The following PCDHA6 variants were observed in gnomAD, a reference collection of about 807,000 sequenced individuals.
PCDHA6 encodes the protein protocadherin alpha-6.
A neutral mutation model predicts 60.3 loss-of-function variants in PCDHA6; 55 were observed. The ratio of observed to expected loss-of-function variants is 0.91; its 90% CI spans 0.73 to 1.14. The LOEUF is 1.14. PCDHA6 is among the 50% of genes most tolerant of loss of function. PCDHA6 has a pLI of 0.00. For missense variants in PCDHA6, 1,327 were observed against 1,256.5 expected (o/e 1.06, Z -0.85); for synonymous variants, 652 against 557.9 (o/e 1.17, Z -2.38).
chr5:140,946,916 T>C (rs1554217963), intron 1 of PCDHA6, among the ~76,000 whole-genome samples: 4 of 151,468 alleles, frequency 2.6e-5, no homozygotes, highest in Non-Finnish European at 5.9e-5. Context: ...GTTCTGGTGT[T>C]TTATTGAACA....
chr5:140,928,068 CA>C, intron 1 of PCDHA6: 1 of 1,614,214 alleles, frequency 6.2e-7, no homozygotes, highest in South Asian at 1.1e-5. Context: ...CTTCCTTTGA[CA>C]ACTACTACAG....
At chr5:140,972,797 G>A (rs1563419152) in intron 1 of PCDHA6, among the ~76,000 whole-genome samples, 3 of 151,664 alleles carry the variant, frequency 2.0e-5, no homozygotes, top group Admixed American at 2.0e-4. Flanking sequence ...CTGAGTAGCT[G>A]AGATTACAGG....
Position 140,884,639 on chromosome 5 carries a change from G to A in PCDHA6, c.2394+54154G>A, listed in dbSNP as rs781835096. ...TGCAGAGGGAACAGGCCAGAGGGAG[G>A]AGGACTCAGAATGCTTGAAAGAGGT... On this transcript the variant is annotated intron_variant, in intron 1 of 3. Coordinates refer to ENST00000529310, the MANE Select transcript of PCDHA6 (RefSeq NM_018909.4). 55 of 1,610,606 alleles carry A rather than the reference G, an allele frequency of 3.4e-5. No homozygotes were observed. The South Asian group carries it at 5.6e-4, about 16-fold the overall frequency.
At chr5:140,937,399 T>C (rs2091517737) in intron 1 of PCDHA6, among the ~76,000 whole-genome samples, 1 of 152,226 alleles carries the variant, frequency 6.6e-6, no homozygotes, top group African/African-American at 2.4e-5. Context: ...TATAGGGGTA[T>C]TGCACAACTT....
chr5:140,834,556 A>G (rs2150220924), intron 1 of PCDHA6: 2 of 1,613,934 alleles, frequency 1.2e-6, no homozygotes, highest in African/African-American at 2.7e-5. Context: ...GAGCTGGCGG[A>G]GCTGGTGCCG....
intron 1 of PCDHA6, among the ~76,000 whole-genome samples, chr5:140,905,776 G>A (rs190550917): frequency 2.4e-3 from 372 of 152,186 alleles, no homozygotes; most frequent in Non-Finnish European, 4.1e-3. Context: ...ATTCCGAAGT[G>A]TATTAGTCAG....
At position 140,887,505 on chromosome 5, in the gene PCDHA6, T is replaced by G. The variant is rs185975578; in HGVS notation, c.2394+57020T>G. On this transcript the variant is annotated intron_variant, in intron 1 of 3. Transcript: ENST00000529310. ...GGCTTGCATAGTTTCTAATAAGATG[T>G]TTGCTTTTTTATATATGAGTCTTCC... Among the ~76,000 whole-genome samples, 465 of 152,304 alleles carry G rather than the reference T, an allele frequency of 3.1e-3. 3 individuals carry two copies. The highest frequency in any genetic ancestry group is 0.014 in the Middle Eastern group (4 of 294).
Position 140,830,098 on chromosome 5 carries a change from G to T in PCDHA6, c.2007G>T (p.Leu669=). ...CGACGGCCACGGTTCTGGTGTCGCT[G>T]GTGGAGAGTGGCCAGGCTCCAAAGG... ...LTATATVLVS[L]VESGQAPKAS... The change falls in exon 1 of 4, where the codon CTG becomes CTT. Residue 669 remains leucine (L), a synonymous_variant. Coordinates refer to ENST00000529310, the MANE Select transcript of PCDHA6 (RefSeq NM_018909.4). 1 of 1,613,644 alleles carries T rather than the reference G, an allele frequency of 6.2e-7. No homozygotes were observed. Among genetic ancestry groups the T allele is most frequent in the African/African-American group, 1.3e-5 (1 of 75,064 alleles).
Position 140,828,970 on chromosome 5 carries a change from T to C in PCDHA6, c.879T>C (p.Phe293=). ...SLVAAMVIDH[F]SIDRNTGEIV... ...TTGCAGCCATGGTTATTGACCACTTTAGCATAGATCGAAATACGGGAGAAA... is the reference window on the plus strand; with the variant it reads ...TTGCAGCCATGGTTATTGACCACTTCAGCATAGATCGAAATACGGGAGAAA... Residue 293 remains phenylalanine (F), a synonymous_variant, in exon 1 of 4, where the codon TTT becomes TTC. Coordinates refer to ENST00000529310, the MANE Select transcript of PCDHA6 (RefSeq NM_018909.4). The C allele has an allele frequency of 6.2e-7, 1 of 1,614,206 alleles. No homozygotes were observed. The highest frequency in any genetic ancestry group is 8.5e-7 in the Non-Finnish European group (1 of 1,180,024).
chr5:140,849,138 A>G (rs2150253056), intron 1 of PCDHA6: 1 of 1,337,178 alleles, frequency 7.5e-7, no homozygotes, highest in South Asian at 1.3e-5. Flanking sequence ...GCTCACGGCC[A>G]CCGATGGAGG....
chr5:140,883,290 T>C, intron 1 of PCDHA6: 1 of 1,614,060 alleles, frequency 6.2e-7, no homozygotes, highest in South Asian at 1.1e-5. Context: ...GTGGAAGTAC[T>C]AGATGTAAAT....
rs139331486 is a variant in PCDHA6, at chr5:140,836,143, C to T, written c.2394+5658C>T. On this transcript the variant is annotated intron_variant, in intron 1 of 3. Coordinates refer to ENST00000529310, the MANE Select transcript of PCDHA6 (RefSeq NM_018909.4). ...GAGCTTGTGCCGCGGTCTGTGGGCG[C>T]GGGCCATGTGGTGGCGAAGGTACGT... 75 of 1,613,760 alleles carry T rather than the reference C, an allele frequency of 4.6e-5. 1 individual carries two copies. In the African/African-American group the frequency reaches 7.6e-4, roughly 16 times the overall value.
chr5:140,969,147 A>G (rs781909774), intron 1 of PCDHA6: 1 of 1,614,172 alleles, frequency 6.2e-7, no homozygotes, highest in Non-Finnish European at 8.5e-7. Flanking sequence ...TACTGCTACA[A>G]GGCCTGTCTG....
rs1022603902 is a variant in PCDHA6, at chr5:140,840,855, G to A, written c.2394+10370G>A. 5.9e-5 allele frequency among the ~76,000 whole-genome samples: 9 copies of A among 151,892 alleles called. 1 individual carries two copies. Among genetic ancestry groups the A allele is most frequent in the African/African-American group, 2.2e-4 (9 of 41,294 alleles). Reference sequence around the variant, plus strand: ...AAATATTAATGCATTTCTTCCACACGAAACTATGGAGGACAGTTTACATTT... The same window carrying A: ...AAATATTAATGCATTTCTTCCACACAAAACTATGGAGGACAGTTTACATTT... On this transcript the variant is annotated intron_variant, in intron 1 of 3. Transcript: ENST00000529310.
At chr5:140,928,529 T>C in intron 1 of PCDHA6, 7 of 1,614,226 alleles carry the variant, frequency 4.3e-6, no homozygotes, top group Non-Finnish European at 4.2e-6. Flanking sequence ...TTGTTTGTGG[T>C]AGATAGGAAT....
chr5:140,872,755 C>A (rs1415992998), intron 1 of PCDHA6, among the ~76,000 whole-genome samples: 2 of 152,118 alleles, frequency 1.3e-5, no homozygotes, highest in African/African-American at 4.8e-5. Flanking sequence ...TAAAGACATG[C>A]ATATAGGGCT....
intron 1 of PCDHA6, among the ~76,000 whole-genome samples, chr5:140,892,835 A>G (rs2063695508): frequency 6.6e-6 from 1 of 152,200 alleles, no homozygotes. Context: ...ACAGTGCTGC[A>G]AAACACCACA....
rs2150495935 is a variant in PCDHA6 at position 140,850,724 on chromosome 5, C to G, written c.2394+20239C>G. On this transcript the variant is annotated intron_variant, in intron 1 of 3. Coordinates refer to ENST00000529310, the MANE Select transcript of PCDHA6 (RefSeq NM_018909.4). ...GCAAGCCGACGCTGGTGTGTTCTAGCGCGGTGGGGAGTTGGTCGTACTCGC... is the reference window on the plus strand; with the variant it reads ...GCAAGCCGACGCTGGTGTGTTCTAGGGCGGTGGGGAGTTGGTCGTACTCGC... 5.0e-6 allele frequency: 8 copies of G among 1,597,668 alleles called. No individual in the cohort carries two copies. The African/African-American group carries it at 1.1e-4, about 22-fold the overall frequency.
At chr5:140,976,691 C>G (rs1219355793) in intron 1 of PCDHA6, among the ~76,000 whole-genome samples, 1 of 152,126 alleles carries the variant, frequency 6.6e-6, no homozygotes. Context: ...AATTTAAGTA[C>G]AATAATGTTG....
Sources: gnomAD v4.1 joint callset for allele counts (sites outside exome capture counted in the v4.1 genomes callset) on GRCh38, gnomAD v4.1.1 for gene constraint, MANE v1.5 for transcripts, NCBI Gene and HGNC (gene_info 2026-07-23, HGNC 2026-07-21) for gene names.